Variants in C1orf159 observed in about 807,000 individuals in gnomAD.
The protein encoded by C1orf159 is chromosome 1 open reading frame 159.
A neutral mutation model predicts 25.6 loss-of-function variants in C1orf159; 19 were observed. The ratio of observed to expected loss-of-function variants is 0.74; its 90% CI spans 0.52 to 1.09. The LOEUF (loss-of-function observed/expected upper bound fraction) is 1.09, where lower values mean the gene tolerates loss of function less well. Ranked by LOEUF, C1orf159 falls within the 50% of genes least tolerant of loss-of-function variation. The pLI is 0.00. For missense variants in C1orf159, 274 were observed against 290.6 expected (o/e 0.94, Z 0.42); for synonymous variants, 139 against 124.7 (o/e 1.12, Z -0.77).
At chr1:1,091,430 G>C in intron 3 of C1orf159, 42 bp downstream of exon 3, 1 of 1,520,036 alleles carries the variant, frequency 6.6e-7, no homozygotes, top group South Asian at 1.2e-5. Flanking sequence ...CTCCACAGAG[G>C]CTCTGGCTTA....
chr1:1,090,556 C>A, intron 3 of C1orf159, 128 bp from the exon 4 acceptor site: 2 of 1,012,294 alleles, frequency 2.0e-6, no homozygotes, highest in South Asian at 3.0e-5. Flanking sequence ...CTTCTGGAGT[C>A]AGCATCGGGT....
At chr1:1,084,239 G>T (rs778947721) in intron 9 of C1orf159, 114 bp downstream of exon 9, 4 of 1,520,238 alleles carry the variant, frequency 2.6e-6, no homozygotes, top group Non-Finnish European at 3.5e-6. Context: ...GACCCGGGCA[G>T]GGGTGGCCGA....
At chr1:1,102,529 C>T (rs1343073787) in intron 1 of C1orf159, among the ~76,000 whole-genome samples, 2 of 149,042 alleles carry the variant, frequency 1.3e-5, no homozygotes, top group African/African-American at 4.9e-5. Flanking sequence ...CCTGTAATCC[C>T]AGCACCTTGA....
chr1:1,085,340 C>T, intron 7 of C1orf159: 2 of 366,294 alleles, frequency 5.5e-6, no homozygotes, highest in Non-Finnish European at 1.1e-5. Flanking sequence ...ACCACGGACC[C>T]TGCTCAGAAC....
intron 7 of C1orf159, among the ~76,000 whole-genome samples, chr1:1,085,565 C>G (rs1298885172): frequency 5.3e-5 from 8 of 152,224 alleles, no homozygotes; most frequent in Admixed American, 2.6e-4. Context: ...CACCCAGCCC[C>G]GCTCCACTCG....
intron 3 of C1orf159, chr1:1,091,080 C>T (rs1158436306): frequency 1.4e-5 from 15 of 1,049,612 alleles, no homozygotes; most frequent in African/African-American, 8.0e-5. Flanking sequence ...GTCCCTCAAA[C>T]GCCCCAGCCA....
At position 1,108,949 on chromosome 1, in the gene C1orf159, GT is replaced by G. The variant is rs1311555100; in HGVS notation, c.-136+7110del. Among the ~76,000 whole-genome samples the G allele has an allele frequency of 3.4e-5, 3 of 88,212 alleles. 1 individual carries two copies. Among genetic ancestry groups the G allele is most frequent in the African/African-American group, 2.0e-4 (3 of 14,686 alleles). The allele number at this position is 88,212 out of a possible 152,430, so 57.9% of individuals were successfully genotyped here. Reference sequence around the variant, plus strand: ...ACAGCCACCATGTCTCGGCAGCACCGTTCACCACAGCCACCATGTCTCAGCA... The same window carrying G: ...ACAGCCACCATGTCTCGGCAGCACCGTCACCACAGCCACCATGTCTCAGCA... On this transcript the variant is annotated intron_variant, in intron 1 of 9. Coordinates refer to ENST00000421241, the MANE Select transcript of C1orf159 (RefSeq NM_017891.5).
intron 1 of C1orf159, among the ~76,000 whole-genome samples, chr1:1,097,877 C>CT (rs1646031267): frequency 6.6e-6 from 1 of 151,928 alleles, no homozygotes; most frequent in South Asian, 2.1e-4. Context: ...CTTTATTTCC[C>CT]TTTTTTGGCT....
chr1:1,084,148 G>A (rs368545386), intron 9 of C1orf159: 28 of 1,547,570 alleles, frequency 1.8e-5, no homozygotes, highest in Middle Eastern at 1.7e-4. Context: ...AGGGGGCGCC[G>A]GCCAAATCCA....
intron 1 of C1orf159, among the ~76,000 whole-genome samples, chr1:1,115,846 C>T (rs1235112391): frequency 2.0e-5 from 3 of 147,790 alleles, no homozygotes; most frequent in Admixed American, 6.7e-5. Context: ...CGCGGCCAGG[C>T]TCGTTGGGAG....
Position 1,087,815 on chromosome 1 carries a change from T to C in C1orf159, c.149-218A>G, listed in dbSNP as rs1645856170. ...TACTCCACACTGCGCACCCTGACCC[T>C]GAGTACTCCGACCCCAAGTACTCCA... On this transcript the variant is annotated intron_variant, in intron 4 of 9. Transcript: ENST00000421241. The surrounding 1 kb of genome is among the most constrained non-coding windows in gnomAD (Gnocchi z 8.3). Among the ~76,000 whole-genome samples, 1 of 150,718 alleles carries C rather than the reference T, an allele frequency of 6.6e-6. No individual in the cohort carries two copies. Among genetic ancestry groups the C allele is most frequent in the Non-Finnish European group, 1.5e-5 (1 of 67,620 alleles).
At chr1:1,090,292 GCA>G (rs200419850) in intron 4 of C1orf159, 59 bp downstream of exon 4, 23,663 of 1,485,110 alleles carry the variant, frequency 0.016, 227 homozygotes, top group Middle Eastern at 0.019. Context: ...AGGGCCCTGG[GCA>G]CACACACACC....
chr1:1,106,498 T>C (rs988790238), intron 1 of C1orf159, among the ~76,000 whole-genome samples: 3 of 152,276 alleles, frequency 2.0e-5, no homozygotes, highest in Non-Finnish European at 4.4e-5. Flanking sequence ...AATTACTCTA[T>C]GACCCCGCAA....
intron 7 of C1orf159, 115 bp from the exon 8 acceptor site, chr1:1,084,621 G>A (rs1645800311): frequency 2.2e-6 from 3 of 1,371,864 alleles, no homozygotes; most frequent in South Asian, 1.3e-5. Context: ...GCCCAGTGCG[G>A]CGTCCTCGGA....
intron 3 of C1orf159, 118 bp downstream of exon 3, chr1:1,091,354 T>C (rs1645931036): frequency 9.9e-7 from 1 of 1,010,150 alleles, no homozygotes. Flanking sequence ...TCAGCACCTC[T>C]GGGGCTGGGA....
At chr1:1,090,210 C>T (rs1210577124) in intron 4 of C1orf159, 143 bp downstream of exon 4, 2 of 856,474 alleles carry the variant, frequency 2.3e-6, no homozygotes, top group South Asian at 1.7e-5. Flanking sequence ...CCCCAAGCTC[C>T]ACAGCCCTCA....
intron 3 of C1orf159, chr1:1,090,743 T>G: frequency 1.2e-6 from 1 of 836,130 alleles, no homozygotes; most frequent in South Asian, 1.5e-5. Context: ...TCTGCAAGTC[T>G]CCGGAGGCTC....
At chr1:1,115,736 C>T (rs1341177274) in intron 1 of C1orf159, among the ~76,000 whole-genome samples, 2 of 92,010 alleles carry the variant, frequency 2.2e-5, no homozygotes, top group East Asian at 7.0e-4. Context: ...TCCTTAGGGA[C>T]CCCCTCCCCA....
chr1:1,108,047 T>G (rs2100773505), intron 1 of C1orf159, among the ~76,000 whole-genome samples: 1 of 152,232 alleles, frequency 6.6e-6, no homozygotes, highest in Middle Eastern at 3.4e-3. Flanking sequence ...CTAGACACAT[T>G]AGCAGCACCA....
Sources: allele counts gnomAD v4.1 joint callset (sites outside exome capture counted in the v4.1 genomes callset), GRCh38; gene constraint gnomAD v4.1.1; non-coding constraint Gnocchi (gnomAD v3.1); transcripts MANE v1.5; gene names NCBI Gene and HGNC (gene_info 2026-07-23, HGNC 2026-07-21).